HACD1: variants seen among roughly 807,000 people sequenced by gnomAD.
HACD1 encodes 3-hydroxyacyl-CoA dehydratase 1.
In HACD1, 41 loss-of-function variants were observed where a neutral mutation model predicts 32.0. The observed-to-expected ratio is 1.28, with a 90% CI of 1.00 to 1.66. The LOEUF (loss-of-function observed/expected upper bound fraction) is 1.66, where lower values mean the gene tolerates loss of function less well. Among genes scored for constraint, HACD1 ranks in the 40% most tolerant of loss-of-function variants. The pLI, the probability that HACD1 is intolerant of heterozygous loss-of-function variation, is 0.00. For missense variants in HACD1, 396 were observed against 380.1 expected, an observed-to-expected ratio of 1.04 and a Z score of -0.35; for synonymous variants, 142 against 139.0, an observed-to-expected ratio of 1.02 and a Z score of -0.15.
Position 17,602,597 on chromosome 10 carries a change from T to A in HACD1, c.483+963A>T, listed in dbSNP as rs138519262. Among the ~76,000 whole-genome samples the A allele has an allele frequency of 2.3e-4, 35 of 152,334 alleles. No homozygotes were observed. The East Asian group carries it at 6.7e-3, about 29-fold the overall frequency. The stretch of plus-strand genomic sequence containing the variant: ...TGGTGTACAACATGATGTTCTGAAA[T>A]ATGTACGCATTGTGAAATGGCTAAA... On this transcript the variant is annotated intron_variant, in intron 4 of 6. Coordinates refer to ENST00000361271, the MANE Select transcript of HACD1 (RefSeq NM_014241.4).
chr10:17,606,691 A>C (rs1395689180), intron 1 of HACD1, among the ~76,000 whole-genome samples: 1 of 152,236 alleles, frequency 6.6e-6, no homozygotes, highest in Admixed American at 6.5e-5. Flanking sequence ...TTCTTAGAAC[A>C]TAATAAGGTA....
chr10:17,595,748 T>TA (rs782703816), intron 5 of HACD1, among the ~76,000 whole-genome samples: 7 of 151,918 alleles, frequency 4.6e-5, no homozygotes, highest in Non-Finnish European at 1.0e-4. Context: ...AGTCACTATA[T>TA]AACAGTTACC....
intron 1 of HACD1, among the ~76,000 whole-genome samples, chr10:17,612,524 T>G (rs1832999856): frequency 6.6e-6 from 1 of 152,042 alleles, no homozygotes; most frequent in African/African-American, 2.4e-5. Flanking sequence ...GAAAGTGGGA[T>G]GGAGAAAAAT....
chr10:17,612,064 G>T (rs1832990933), intron 1 of HACD1, among the ~76,000 whole-genome samples: 1 of 138,978 alleles, frequency 7.2e-6, no homozygotes, highest in South Asian at 2.3e-4. Flanking sequence ...TTGAGCCCAG[G>T]AGTTTGACGC....
At chr10:17,609,788 C>A (rs1834204002) in intron 1 of HACD1, among the ~76,000 whole-genome samples, 1 of 151,872 alleles carries the variant, frequency 6.6e-6, no homozygotes, top group South Asian at 2.1e-4. Context: ...TGAGACCAGG[C>A]TGGCCAACCT....
intron 1 of HACD1, chr10:17,615,642 T>C: frequency 5.5e-6 from 1 of 180,586 alleles, no homozygotes; most frequent in Non-Finnish European, 1.2e-5. Context: ...GCCAACACAG[T>C]GAGAGGCCAT....
At chr10:17,614,467 G>A (rs1346193204) in intron 1 of HACD1, among the ~76,000 whole-genome samples, 1 of 137,162 alleles carries the variant, frequency 7.3e-6, no homozygotes, top group Non-Finnish European at 1.6e-5. Flanking sequence ...ATGTTGGCTA[G>A]GCTGGTCTCA....
Position 17,608,090 on chromosome 10 carries a change from G to A in HACD1, c.258-4043C>T, listed in dbSNP as rs147456426. Among the ~76,000 whole-genome samples the A allele has an allele frequency of 6.7e-3, 1,026 of 152,202 alleles. 10 individuals carry two copies. Among genetic ancestry groups the A allele is most frequent in the African/African-American group, 0.023 (968 of 41,538 alleles). ...AGTGGTGTGCCCATGGCTCATGGCA[G>A]CCTTGGGTTCCCAGGCTTCAGCAAT... On this transcript the variant is annotated intron_variant, in intron 1 of 6. Transcript: ENST00000361271.
At chr10:17,598,745 T>C (rs1197143632) in intron 5 of HACD1, among the ~76,000 whole-genome samples, 2 of 152,208 alleles carry the variant, frequency 1.3e-5, no homozygotes, top group Non-Finnish European at 2.9e-5. Flanking sequence ...CAGATATCTT[T>C]TCCTTTAAAA....
In HACD1 at chr10:17,617,145, C is replaced by G. The variant is rs1384962523; in HGVS notation, c.195G>C (p.Arg65=). 3 of 1,507,646 alleles carry G rather than the reference C, an allele frequency of 2.0e-6. No individual in the cohort carries two copies. The highest frequency in any genetic ancestry group is 1.4e-5 in the African/African-American group (1 of 69,176). The allele number at this position is 1,507,646 out of a possible 1,614,324, so 93.4% of individuals were successfully genotyped here. ...CGGTGGCCAAGACCCCCAGGCGCCT[C>G]CGCTCGCCGGGAGCCTCCCGGTCCT... ...AGEDREAPGE[R]RRLGVLATAW... The change falls in exon 1 of 7, where the codon CGG becomes CGC. Residue 65 remains arginine (R), a synonymous_variant. Transcript: ENST00000361271.
intron 1 of HACD1, among the ~76,000 whole-genome samples, chr10:17,608,186 T>C (rs1834175682): frequency 6.6e-6 from 1 of 152,024 alleles, no homozygotes; most frequent in African/African-American, 2.4e-5. Flanking sequence ...ATTATTGTTC[T>C]TGCTGTTGTG....
In HACD1 at chr10:17,604,049, TAAA is replaced by T; in HGVS notation, c.258-5_258-3del. 4 of 1,227,588 alleles carry T rather than the reference TAAA, an allele frequency of 3.3e-6. No individual in the cohort carries two copies. The highest frequency in any genetic ancestry group is 1.6e-5 in the South Asian group (1 of 63,588). The allele number at this position is 1,227,588 out of a possible 1,614,324, so 76.0% of individuals were successfully genotyped here. The stretch of plus-strand genomic sequence containing the variant: ...ATGGCAATAGCTAGAACCAACCACC[TAAA>T]AAAAAAAAGTATTTCATAAAGTTCT... On this transcript the variant is annotated splice_polypyrimidine_tract_variant and splice_region_variant and intron_variant, in intron 1 of 6. Transcript: ENST00000361271.
At position 17,596,154 on chromosome 10, in the gene HACD1, T is replaced by C. The variant is rs189767085; in HGVS notation, c.606-1771A>G. Among the ~76,000 whole-genome samples the C allele has an allele frequency of 1.5e-3, 227 of 152,268 alleles. 1 individual carries two copies. Among genetic ancestry groups the C allele is most frequent in the African/African-American group, 4.5e-3 (185 of 41,546 alleles). On this transcript the variant is annotated intron_variant, in intron 5 of 6. Coordinates refer to ENST00000361271, the MANE Select transcript of HACD1 (RefSeq NM_014241.4). The stretch of plus-strand genomic sequence containing the variant: ...TCAAAGTTGTCAGTATTGAAGAAGC[T>C]TGGAGACAAATTAAAAATTGCATTA...
Position 17,603,649 on chromosome 10 carries a change from C to A in HACD1, c.395-1G>T. The stretch of plus-strand genomic sequence containing the variant: ...ACAATCACAGAAGTAGGTACAATTC[C>A]TTAAAAAGAAAAACAAGTGAACTAT... On this transcript the variant is annotated splice_acceptor_variant, in intron 3 of 6. Coordinates refer to ENST00000361271, the MANE Select transcript of HACD1 (RefSeq NM_014241.4). LOFTEE classifies it high-confidence loss of function. The A allele has an allele frequency of 6.2e-7, 1 of 1,612,322 alleles. No homozygotes were observed. The highest frequency in any genetic ancestry group is 8.5e-7 in the Non-Finnish European group (1 of 1,178,744).
chr10:17,601,195 G>A (rs1834065591), intron 4 of HACD1, among the ~76,000 whole-genome samples: 3 of 151,830 alleles, frequency 2.0e-5, no homozygotes, highest in Non-Finnish European at 2.9e-5. Context: ...CACCACACCT[G>A]GCTAATTTTT....
intron 4 of HACD1, among the ~76,000 whole-genome samples, chr10:17,602,541 T>G (rs931680634): frequency 1.3e-5 from 2 of 152,220 alleles, no homozygotes; most frequent in African/African-American, 4.8e-5. Flanking sequence ...GACAATTATT[T>G]TTAATTGAAA....
chr10:17,604,153 AC>A (rs1834111440), intron 1 of HACD1, 106 bp from the exon 2 acceptor site: 1 of 805,072 alleles, frequency 1.2e-6, no homozygotes, highest in African/African-American at 1.7e-5. Flanking sequence ...GGTAAAAGCA[AC>A]CCAGGTGTCC....
chr10:17,593,808 T>G (rs1412569759), intron 6 of HACD1, among the ~76,000 whole-genome samples: 1 of 152,248 alleles, frequency 6.6e-6, no homozygotes, highest in Admixed American at 6.5e-5. Flanking sequence ...AGTATATGCT[T>G]AATGAATAGA....
At chr10:17,614,410 C>T (rs1554817791) in intron 1 of HACD1, among the ~76,000 whole-genome samples, 1 of 152,178 alleles carries the variant, frequency 6.6e-6, no homozygotes, top group African/African-American at 2.4e-5. Context: ...GCCTGTGCCA[C>T]CATGCCCGGC....
Sources: gnomAD v4.1 joint callset for allele counts (sites outside exome capture counted in the v4.1 genomes callset) on GRCh38, gnomAD v4.1.1 for gene constraint, MANE v1.5 for transcripts, NCBI Gene and HGNC (gene_info 2026-07-23, HGNC 2026-07-21) for gene names.